The following NFAT5 variants were observed in gnomAD, a reference collection of about 807,000 sequenced individuals.
NFAT5 encodes the protein nuclear factor of activated T cells 5, also known as nuclear factor of activated T-cells 5.
Under a neutral mutation model 166.5 loss-of-function variants are expected in NFAT5, and 31 were observed. The ratio of observed to expected loss-of-function variants is 0.19; its 90% CI spans 0.14 to 0.25. The LOEUF (loss-of-function observed/expected upper bound fraction) is 0.25. Ranked by LOEUF, NFAT5 falls within the 10% of genes least tolerant of loss-of-function variation. The pLI is 1.00. For synonymous variants in NFAT5, 612 were observed against 639.7 expected (o/e 0.96, Z 0.65); for missense variants, 1,449 against 1,821.8 (o/e 0.80, Z 3.72).
At chr16:69,659,673 A>AT in intron 6 of NFAT5, 54 bp from the exon 7 acceptor site, 1 of 1,402,588 alleles carries the variant, frequency 7.1e-7, no homozygotes, top group Non-Finnish European at 9.6e-7. Flanking sequence ...GATTAAGAAC[A>AT]TTATACTATT....
chr16:69,631,237 C>T (rs2034702298), intron 3 of NFAT5, among the ~76,000 whole-genome samples: 1 of 152,104 alleles, frequency 6.6e-6, no homozygotes, highest in Non-Finnish European at 1.5e-5. Context: ...TCAAGACCAG[C>T]CTGGCCAAGA....
At chr16:69,682,680 A>AT (rs1441764429) in intron 10 of NFAT5, among the ~76,000 whole-genome samples, 1 of 152,114 alleles carries the variant, frequency 6.6e-6, no homozygotes, top group Non-Finnish European at 1.5e-5. Flanking sequence ...AGAAATTTAA[A>AT]TTTTTTTCAA....
At chr16:69,590,152 C>T (rs566996752) in intron 2 of NFAT5, among the ~76,000 whole-genome samples, 5 of 152,096 alleles carry the variant, frequency 3.3e-5, no homozygotes, top group East Asian at 3.9e-4. Flanking sequence ...CCAGCTTGGG[C>T]GACAGAATGA....
At chr16:69,598,106 G>T (rs2032909926) in intron 2 of NFAT5, among the ~76,000 whole-genome samples, 1 of 152,008 alleles carries the variant, frequency 6.6e-6, no homozygotes, top group South Asian at 2.1e-4. Flanking sequence ...AAAATATTTG[G>T]GTGTGGTGGC....
chr16:69,584,496 T>G (rs552259030), intron 2 of NFAT5, among the ~76,000 whole-genome samples: 1 of 152,184 alleles, frequency 6.6e-6, no homozygotes, highest in South Asian at 2.1e-4. Context: ...ACCTGGCTAA[T>G]TTTTTGATTT....
intron 9 of NFAT5, among the ~76,000 whole-genome samples, chr16:69,671,413 C>T (rs2036615801): frequency 6.6e-6 from 1 of 152,208 alleles, no homozygotes; most frequent in East Asian, 1.9e-4. Flanking sequence ...GCTCTGTCGC[C>T]AGGCTGGCAT....
At chr16:69,667,346 C>A (rs964294789) in intron 7 of NFAT5, among the ~76,000 whole-genome samples, 1 of 151,594 alleles carries the variant, frequency 6.6e-6, no homozygotes, top group Non-Finnish European at 1.5e-5. Flanking sequence ...AAAAAAAAAA[C>A]TTTACAAGAA....
intron 4 of NFAT5, 24 bp from the exon 5 acceptor site, chr16:69,653,212 C>T: frequency 1.3e-6 from 2 of 1,488,584 alleles, no homozygotes; most frequent in East Asian, 2.5e-5. Context: ...GATACTTTCT[C>T]CATGTTGTGC....
At chr16:69,607,717 C>T (rs2033490243) in intron 2 of NFAT5, among the ~76,000 whole-genome samples, 2 of 152,202 alleles carry the variant, frequency 1.3e-5, no homozygotes, top group African/African-American at 4.8e-5. Flanking sequence ...ACTAAAGCTT[C>T]TCAACTTGTG....
chr16:69,566,408 CGGG>C lies in NFAT5; in HGVS notation c.73+36_73+38del. On this transcript the variant is annotated intron_variant, in intron 1 of 14. Coordinates refer to ENST00000349945, the MANE Select transcript of NFAT5 (RefSeq NM_138713.4). This position sits in a 1 kb window ranked among gnomAD's most constrained non-coding sequence, Gnocchi z 5.7. ...GGCTGTGGGGGGTGGGGCGTGGGGG[CGGG>C]GAGACAGGGAGACAGGGAGACAGGG... 1 of 515,520 alleles carries C rather than the reference CGGG, an allele frequency of 1.9e-6. No individual in the cohort carries two copies. The highest frequency in any genetic ancestry group is 3.6e-6 in the Non-Finnish European group (1 of 276,894). 31.9% of individuals were successfully genotyped at this position (515,520 alleles called of 1,614,324 possible).
chr16:69,568,359 T>TGTGTGG, intron 1 of NFAT5, 136 bp from the exon 2 acceptor site: 2 of 350,956 alleles, frequency 5.7e-6, no homozygotes, highest in Non-Finnish European at 1.0e-5. Flanking sequence ...TGTGTGTGTG[T>TGTGTGG]GTGTGTGTGT....
intron 3 of NFAT5, among the ~76,000 whole-genome samples, chr16:69,633,464 CCTGT>C (rs1413696472): frequency 6.6e-6 from 1 of 152,108 alleles, no homozygotes; most frequent in African/African-American, 2.4e-5. Flanking sequence ...AGGAACTTCA[CCTGT>C]TTCTGGATAT....
chr16:69,665,084 A>G (rs186349850), intron 7 of NFAT5, among the ~76,000 whole-genome samples: 2 of 152,344 alleles, frequency 1.3e-5, no homozygotes, highest in East Asian at 1.9e-4. Context: ...TGCTTAAGTA[A>G]TCTTGACTTT....
chr16:69,680,330 G>A (rs375595168), intron 10 of NFAT5, among the ~76,000 whole-genome samples: 3 of 152,228 alleles, frequency 2.0e-5, no homozygotes, highest in African/African-American at 7.2e-5. Context: ...TAAAGGTTTT[G>A]CTATCCTGAA....
chr16:69,576,540 T>C (rs992246424), intron 2 of NFAT5, among the ~76,000 whole-genome samples: 8 of 152,018 alleles, frequency 5.3e-5, no homozygotes, highest in Non-Finnish European at 1.0e-4. Context: ...CTTTGGTGAG[T>C]GTCTTTAACA....
intron 2 of NFAT5, among the ~76,000 whole-genome samples, chr16:69,621,855 C>G (rs1046177400): frequency 6.6e-6 from 1 of 151,954 alleles, no homozygotes; most frequent in Non-Finnish European, 1.5e-5. Flanking sequence ...CCCAGCCACT[C>G]GGGAGGCTGC....
At chr16:69,644,092 C>T (rs2035332088) in intron 3 of NFAT5, among the ~76,000 whole-genome samples, 1 of 151,996 alleles carries the variant, frequency 6.6e-6, no homozygotes, top group African/African-American at 2.4e-5. Context: ...TTGAGACCAC[C>T]TGGGCAGCAT....
intron 2 of NFAT5, among the ~76,000 whole-genome samples, chr16:69,605,761 C>T (rs138412360): frequency 0.059 from 8,940 of 151,350 alleles, 287 homozygotes; most frequent in Middle Eastern, 0.11. Flanking sequence ...GGCAGGACTG[C>T]GGACTGCAGT....
chr16:69,679,102 A>G (rs2036950417), intron 10 of NFAT5, among the ~76,000 whole-genome samples: 1 of 151,830 alleles, frequency 6.6e-6, no homozygotes, highest in Admixed American at 6.6e-5. Flanking sequence ...TACATGGCTA[A>G]TTTTTGTTAG....
Sources: gnomAD v4.1 joint callset for allele counts (sites outside exome capture counted in the v4.1 genomes callset) on GRCh38, gnomAD v4.1.1 for gene constraint, Gnocchi (gnomAD v3.1) non-coding constraint, MANE v1.5 for transcripts, NCBI Gene and HGNC (gene_info 2026-07-23, HGNC 2026-07-21) for gene names.